HYDIN: variants seen among roughly 807,000 people sequenced by gnomAD.
The protein encoded by HYDIN is HYDIN axonemal central pair apparatus protein, also known as axonemal central pair apparatus protein HYDIN.
HYDIN carries 132 observed loss-of-function variants against 403.9 expected under a neutral mutation model. That is an observed-to-expected ratio of 0.33 (90% CI 0.28 to 0.38). The LOEUF (loss-of-function observed/expected upper bound fraction) is 0.38, where lower values mean the gene tolerates loss of function less well. Ranked by LOEUF, HYDIN falls within the 10% of genes least tolerant of loss-of-function variation. The pLI is 1.00. For synonymous variants in HYDIN, 1,202 were observed against 1,891.7 expected, an observed-to-expected ratio of 0.64 and a Z score of 9.46; for missense variants, 2,827 against 5,009.5, an observed-to-expected ratio of 0.56 and a Z score of 13.15.
intron 64 of HYDIN, among the ~76,000 whole-genome samples, chr16:70,872,637 C>T (rs1453019031): frequency 7.0e-6 from 1 of 143,032 alleles, no homozygotes; most frequent in African/African-American, 2.6e-5. Flanking sequence ...ATCCATCCAC[C>T]CTCGCATCCA....
intron 11 of HYDIN, among the ~76,000 whole-genome samples, chr16:71,092,265 C>T (rs1157204583): frequency 1.3e-5 from 2 of 152,116 alleles, no homozygotes; most frequent in African/African-American, 2.4e-5. Flanking sequence ...ATATCATATA[C>T]GTTCCCCCAT....
intron 4 of HYDIN, 52 bp downstream of exon 4, chr16:71,178,876 C>T: frequency 6.7e-7 from 1 of 1,488,828 alleles, no homozygotes; most frequent in Non-Finnish European, 9.1e-7. Context: ...TTTACTTTAA[C>T]CCATTCTCAT....
chr16:71,047,203 G>A (rs1193844988), intron 18 of HYDIN, among the ~76,000 whole-genome samples: 2 of 151,784 alleles, frequency 1.3e-5, no homozygotes, highest in African/African-American at 4.8e-5. Flanking sequence ...TTAGTGACAA[G>A]GAAACCAAAC....
intron 39 of HYDIN, among the ~76,000 whole-genome samples, chr16:70,958,322 T>A (rs1394725617): frequency 6.6e-6 from 1 of 152,164 alleles, no homozygotes; most frequent in African/African-American, 2.4e-5. Context: ...GTGAAAGCTG[T>A]AAGGTTCCAT....
intron 5 of HYDIN, 94 bp from the exon 6 acceptor site, chr16:71,162,824 A>C: frequency 1.7e-6 from 1 of 590,072 alleles, no homozygotes; most frequent in Non-Finnish European, 3.0e-6. Context: ...ATTTTGCAAA[A>C]CAACTTTTAG....
At chr16:70,909,847 C>T (rs2076644357) in intron 47 of HYDIN, among the ~76,000 whole-genome samples, 1 of 151,548 alleles carries the variant, frequency 6.6e-6, no homozygotes, top group East Asian at 1.9e-4. Context: ...AGGCGCCTGC[C>T]ACCACGCCTG....
rs781455947 is a variant in HYDIN, at chr16:70,920,738, G to T, written c.7638C>A (p.Ser2546Arg). The T allele has an allele frequency of 1.3e-5, 21 of 1,576,954 alleles. No homozygotes were observed. The highest frequency in any genetic ancestry group is 1.6e-5 in the Non-Finnish European group (18 of 1,160,526). ...LEKLRALEERSDWEGEGEEDH... is the reference protein window; with the variant it reads ...LEKLRALEERRDWEGEGEEDH... ...CCTCCTCCCCTTCCCCCTCCCAGTC[G>T]CTCCGCTCCTCCAGGGCTCGCAGCT... Residue 2546 changes from serine to arginine, a missense_variant, in exon 46 of 86, where the codon AGC becomes AGA. Coordinates refer to ENST00000393567, the MANE Select transcript of HYDIN (RefSeq NM_001270974.2).
intron 60 of HYDIN, among the ~76,000 whole-genome samples, chr16:70,880,653 C>G (rs1006716438): frequency 3.3e-5 from 5 of 152,174 alleles, no homozygotes; most frequent in African/African-American, 1.2e-4. Context: ...CCTTGTAACT[C>G]CAAGAGCCTT....
At chr16:70,906,108 G>GT (rs1353080834) in intron 50 of HYDIN, among the ~76,000 whole-genome samples, 1 of 151,070 alleles carries the variant, frequency 6.6e-6, no homozygotes, top group Non-Finnish European at 1.5e-5. Context: ...TCCAGTTTTG[G>GT]TTTCACTCCC....
intron 6 of HYDIN, among the ~76,000 whole-genome samples, chr16:71,160,159 A>T (rs1296665067): frequency 1.1e-5 from 1 of 89,248 alleles, no homozygotes; most frequent in East Asian, 3.6e-4. Context: ...ATGTAAATAA[A>T]TGCATAAATG....
intron 21 of HYDIN, among the ~76,000 whole-genome samples, chr16:71,021,448 C>T (rs1000394986): frequency 1.2e-4 from 18 of 152,054 alleles, no homozygotes; most frequent in South Asian, 4.1e-4. Context: ...ATATCTTGAC[C>T]TCATGATCCA....
chr16:70,870,703 T>C (rs1259719051), intron 65 of HYDIN, among the ~76,000 whole-genome samples: 1 of 151,912 alleles, frequency 6.6e-6, no homozygotes, highest in African/African-American at 2.4e-5. Context: ...TATTATACTG[T>C]GTTTGTTTCT....
intron 3 of HYDIN, among the ~76,000 whole-genome samples, chr16:71,180,162 A>G (rs2086839649): frequency 6.6e-6 from 1 of 152,174 alleles, no homozygotes; most frequent in Admixed American, 6.5e-5. Context: ...GACAGAAGGC[A>G]CAAAGAACAA....
chr16:70,939,455 A>C (rs111481339), intron 43 of HYDIN, among the ~76,000 whole-genome samples: 4 of 152,124 alleles, frequency 2.6e-5, no homozygotes, highest in Non-Finnish European at 5.9e-5. Flanking sequence ...TTCTCCCCTA[A>C]ATCATCTGCA....
At chr16:71,040,451 C>A (rs992263768) in intron 18 of HYDIN, among the ~76,000 whole-genome samples, 1 of 148,886 alleles carries the variant, frequency 6.7e-6, no homozygotes, top group African/African-American at 2.5e-5. Context: ...GCCAGGAACC[C>A]CTTCATCAAA....
rs762238407 is a variant in HYDIN at position 70,872,043 on chromosome 16, G to C, written c.11085C>G (p.Ser3695=). Residue 3695 remains serine (S), a synonymous_variant, in exon 65 of 86, where the codon TCC becomes TCG. Coordinates refer to ENST00000393567, the MANE Select transcript of HYDIN (RefSeq NM_001270974.2). ...EWPVSATIAF[S]PQMGHLHPGC... is the part of the protein sequence containing the mutation. ...ATGAATGACTTTTATTTACCTGTGG[G>C]GAGAAAGCAATTGTAGCTGAAACAG... The C allele has an allele frequency of 1.2e-6, 2 of 1,604,200 alleles. No homozygotes were observed. The highest frequency in any genetic ancestry group is 4.5e-5 in the East Asian group (2 of 44,834).
At chr16:71,009,087 G>T (rs2144094240) in intron 23 of HYDIN, among the ~76,000 whole-genome samples, 1 of 147,620 alleles carries the variant, frequency 6.8e-6, no homozygotes, top group South Asian at 2.3e-4. Context: ...GACCATAGTT[G>T]AGGGACACAG....
chr16:70,976,384 G>C (rs1173777792), intron 30 of HYDIN, among the ~76,000 whole-genome samples: 2 of 151,838 alleles, frequency 1.3e-5, no homozygotes, highest in African/African-American at 4.8e-5. Flanking sequence ...TTCTGGGTTG[G>C]AGGGAGATTT....
rs2082737264 is a variant in HYDIN at position 71,080,058 on chromosome 16, A to T, written c.1671-106T>A. ...AGTACAAAAACCATACCTTGACTTTATGTCAATTATAGTATCCAGGATTTA... is the reference window on the plus strand; with the variant it reads ...AGTACAAAAACCATACCTTGACTTTTTGTCAATTATAGTATCCAGGATTTA... On this transcript the variant is annotated intron_variant, in intron 12 of 85. Transcript: ENST00000393567. The T allele has an allele frequency of 4.9e-6, 3 of 607,784 alleles. No individual in the cohort carries two copies. In the African/African-American group the frequency reaches 5.6e-5, roughly 11 times the overall value. 37.6% of individuals were successfully genotyped at this position (607,784 alleles called of 1,614,324 possible).
Sources: allele counts gnomAD v4.1 joint callset (sites outside exome capture counted in the v4.1 genomes callset), GRCh38; gene constraint gnomAD v4.1.1; transcripts MANE v1.5; gene names NCBI Gene and HGNC (gene_info 2026-07-23, HGNC 2026-07-21).